The following ZC3H3 variants were observed in gnomAD, a reference collection of about 807,000 sequenced individuals.
ZC3H3 encodes the protein zinc finger CCCH-type containing 3.
Under a neutral mutation model 77.3 loss-of-function variants are expected in ZC3H3, and 36 were observed. The observed-to-expected ratio is 0.47, with a 90% CI of 0.36 to 0.61. The LOEUF is 0.61. ZC3H3 is among the 20% of genes least tolerant of loss of function. The probability of loss-of-function intolerance (pLI) is 0.00; values close to 1 mark genes in which losing one functional copy is unlikely to be tolerated. For missense variants in ZC3H3, 1,331 were observed against 1,312.2 expected (o/e 1.01, Z -0.22); for synonymous variants, 626 against 555.2 (o/e 1.13, Z -1.79).
chr8:143,525,567 C>G (rs537955032), intron 3 of ZC3H3, among the ~76,000 whole-genome samples: 4 of 152,322 alleles, frequency 2.6e-5, no homozygotes, highest in Admixed American at 2.6e-4. Flanking sequence ...CCTGAGGGGG[C>G]TCCTTGCATG....
intron 4 of ZC3H3, among the ~76,000 whole-genome samples, chr8:143,486,047 G>A (rs1254030016): frequency 6.6e-6 from 1 of 152,216 alleles, no homozygotes; most frequent in African/African-American, 2.4e-5. Flanking sequence ...CACCCTCTGA[G>A]GCAGCAACTC....
At chr8:143,471,794 G>A (rs1820573120) in intron 5 of ZC3H3, among the ~76,000 whole-genome samples, 2 of 152,206 alleles carry the variant, frequency 1.3e-5, no homozygotes. Flanking sequence ...CTTTCTTGTT[G>A]AAGTCAAATT....
At chr8:143,482,901 G>A (rs560968763) in intron 4 of ZC3H3, among the ~76,000 whole-genome samples, 15 of 152,336 alleles carry the variant, frequency 9.8e-5, no homozygotes, top group Non-Finnish European at 1.6e-4. Flanking sequence ...GACCACAGGA[G>A]CAGGTACCGG....
At chr8:143,440,393 G>C in intron 10 of ZC3H3, 30 bp from the exon 11 acceptor site, 1 of 1,501,018 alleles carries the variant, frequency 6.7e-7, no homozygotes. Flanking sequence ...AGACGTGTGA[G>C]GTGGGGTGAC....
chr8:143,467,378 C>A (rs1171559323), intron 8 of ZC3H3, among the ~76,000 whole-genome samples: 1 of 152,230 alleles, frequency 6.6e-6, no homozygotes, highest in Non-Finnish European at 1.5e-5. Flanking sequence ...CATTAGACAG[C>A]TTGGAATGTG....
intron 4 of ZC3H3, among the ~76,000 whole-genome samples, chr8:143,489,979 C>T (rs541088702): frequency 6.6e-6 from 1 of 152,180 alleles, no homozygotes; most frequent in Non-Finnish European, 1.5e-5. Flanking sequence ...CCCTGAGCCA[C>T]GGGTCTCTGG....
intron 9 of ZC3H3, among the ~76,000 whole-genome samples, chr8:143,443,669 G>C (rs898229883): frequency 1.3e-5 from 2 of 152,164 alleles, no homozygotes; most frequent in Non-Finnish European, 2.9e-5. Flanking sequence ...GTTAAAAGTT[G>C]GTTCTTTTAA....
At chr8:143,502,971 G>A (rs1242963335) in intron 4 of ZC3H3, among the ~76,000 whole-genome samples, 8 of 152,198 alleles carry the variant, frequency 5.3e-5, no homozygotes, top group Admixed American at 3.9e-4. Context: ...CGAGGTATGC[G>A]TAAGGCAGCA....
At chr8:143,478,074 C>G (rs1226968163) in intron 4 of ZC3H3, among the ~76,000 whole-genome samples, 1 of 152,204 alleles carries the variant, frequency 6.6e-6, no homozygotes, top group East Asian at 1.9e-4. Flanking sequence ...GGGTTCAACC[C>G]TGGCCGCCAC....
intron 5 of ZC3H3, among the ~76,000 whole-genome samples, chr8:143,469,987 C>T (rs530768442): frequency 6.6e-6 from 1 of 152,334 alleles, no homozygotes; most frequent in East Asian, 1.9e-4. Flanking sequence ...CCAAAGCCGC[C>T]CAGCCCCAAA....
rs1820235770 is a variant in ZC3H3 at position 143,460,603 on chromosome 8, C to CAAACAG, written c.2307+5113_2307+5114insCTGTTT. Among the ~76,000 whole-genome samples, 1 of 152,194 alleles carries CAAACAG rather than the reference C, an allele frequency of 6.6e-6. No individual in the cohort carries two copies. Among genetic ancestry groups the CAAACAG allele is most frequent in the Non-Finnish European group, 1.5e-5 (1 of 68,042 alleles). On this transcript the variant is annotated intron_variant, in intron 9 of 11. Transcript: ENST00000262577. This position sits in a 1 kb window ranked among gnomAD's most constrained non-coding sequence, Gnocchi z 4.0. ...GTGAAAGCGGGGCTCAAACAGATAC[C>CAAACAG]TGGCTGTCAGGAATCACTACAGCAC...
At chr8:143,456,998 A>C (rs1271067605) in intron 9 of ZC3H3, among the ~76,000 whole-genome samples, 1 of 152,244 alleles carries the variant, frequency 6.6e-6, no homozygotes. Flanking sequence ...CAAATCCACA[A>C]TTATAGTTAG....
chr8:143,536,273 G>A lies in ZC3H3; in HGVS notation c.1545C>T (p.His515=). 6.2e-7 allele frequency: 1 copy of A among 1,611,366 alleles called. No individual in the cohort carries two copies. Among genetic ancestry groups the A allele is most frequent in the Non-Finnish European group, 8.5e-7 (1 of 1,179,638 alleles). The change falls in exon 3 of 12, where the codon CAC becomes CAT. Residue 515 remains histidine (H), a synonymous_variant. Coordinates refer to ENST00000262577, the MANE Select transcript of ZC3H3 (RefSeq NM_015117.3). Reference sequence around the variant, plus strand: ...CCAGCATACCTTCCTTGGTGGGGAGGTGGGCCCGGCTCGGTGGCAGGCGAC... The same window carrying A: ...CCAGCATACCTTCCTTGGTGGGGAGATGGGCCCGGCTCGGTGGCAGGCGAC... The part of the protein sequence containing the change: ...RLCRLPPSRA[H]LPTKEASSLH...
intron 2 of ZC3H3, among the ~76,000 whole-genome samples, chr8:143,537,243 C>T (rs1168768450): frequency 6.6e-6 from 1 of 152,228 alleles, no homozygotes; most frequent in Admixed American, 6.5e-5. Flanking sequence ...GTGCGCCAAG[C>T]AAGTGAGTGA....
At chr8:143,442,515 G>A (rs894972177) in intron 9 of ZC3H3, among the ~76,000 whole-genome samples, 2 of 152,064 alleles carry the variant, frequency 1.3e-5, no homozygotes, top group African/African-American at 2.4e-5. Flanking sequence ...GCGGTACTGG[G>A]ACGGGCGTGG....
In ZC3H3 at chr8:143,538,498, C is replaced by G. The variant is rs777874268; in HGVS notation, c.869G>C (p.Arg290Thr). ...AACCAGCGAGGCCTCCCGGGCCTGCCTGGGTCCTGAGGCCGGTCTGGCGGG... is the reference window on the plus strand; with the variant it reads ...AACCAGCGAGGCCTCCCGGGCCTGCGTGGGTCCTGAGGCCGGTCTGGCGGG... ...GGPARPASGP[R>T]QAREASLVVT... The change falls in exon 2 of 12, where the codon AGG becomes ACG. Residue 290 changes from arginine to threonine, a missense_variant. Physicochemically the swap from Arg to Thr is moderately conservative, Grantham distance 71. Transcript: ENST00000262577. 12 of 1,612,814 alleles carry G rather than the reference C, an allele frequency of 7.4e-6. No homozygotes were observed. The highest frequency in any genetic ancestry group is 1.0e-5 in the Non-Finnish European group (12 of 1,180,026).
intron 3 of ZC3H3, among the ~76,000 whole-genome samples, chr8:143,516,965 C>G (rs1189703935): frequency 6.6e-6 from 1 of 152,226 alleles, no homozygotes; most frequent in Non-Finnish European, 1.5e-5. Context: ...CGCCCTGTCC[C>G]CCCCGTGTGG....
intron 9 of ZC3H3, among the ~76,000 whole-genome samples, chr8:143,447,366 C>T (rs1020180288): frequency 5.3e-5 from 8 of 152,248 alleles, no homozygotes; most frequent in East Asian, 3.8e-4. Context: ...CTTCTATCCA[C>T]GCTCTCCATC....
chr8:143,521,377 GCTC>G (rs1306530990), intron 3 of ZC3H3, among the ~76,000 whole-genome samples: 1 of 122,394 alleles, frequency 8.2e-6, no homozygotes, highest in African/African-American at 2.7e-5. Flanking sequence ...GGTCTTGAGG[GCTC>G]CTCAAGTCCT....
Sources: allele counts gnomAD v4.1 joint callset (sites outside exome capture counted in the v4.1 genomes callset), GRCh38; gene constraint gnomAD v4.1.1; non-coding constraint Gnocchi (gnomAD v3.1); transcripts MANE v1.5; gene names NCBI Gene and HGNC (gene_info 2026-07-23, HGNC 2026-07-21).